AHNAK: variants seen among roughly 807,000 people sequenced by gnomAD.
AHNAK encodes neuroblast differentiation-associated protein AHNAK.
AHNAK carries 23 observed loss-of-function variants against 37.8 expected under a neutral mutation model. The ratio of observed to expected loss-of-function variants is 0.61; its 90% CI spans 0.44 to 0.86. The LOEUF (loss-of-function observed/expected upper bound fraction) is 0.86. Ranked by LOEUF, AHNAK falls within the 40% of genes least tolerant of loss-of-function variation. AHNAK has a pLI of 0.00. For missense variants in AHNAK, 7,411 were observed against 7,319.4 expected, an observed-to-expected ratio of 1.01 and a Z score of -0.46; for synonymous variants, 2,481 against 2,636.3, an observed-to-expected ratio of 0.94 and a Z score of 1.80.
At chr11:62,445,915 C>A (rs926761342) in intron 5 of AHNAK, among the ~76,000 whole-genome samples, 8 of 151,164 alleles carry the variant, frequency 5.3e-5, no homozygotes, top group Non-Finnish European at 7.4e-5. Context: ...ACTCAGGAGG[C>A]TGAGGCAGGA....
intron 5 of AHNAK, among the ~76,000 whole-genome samples, chr11:62,478,130 C>T (rs558943792): frequency 2.3e-4 from 35 of 152,330 alleles, no homozygotes; most frequent in South Asian, 1.5e-3. Context: ...TCTCCTCCCC[C>T]ACTATTCCAG....
In AHNAK at chr11:62,488,829, C is replaced by A. The variant is rs1310149037; in HGVS notation, c.442+2903G>T. ...AGCCAAAACAGGGATGCCTGGGCAGCATGGGAGAGCACAGAGAAGGGGCCC... is the reference window on the plus strand; with the variant it reads ...AGCCAAAACAGGGATGCCTGGGCAGAATGGGAGAGCACAGAGAAGGGGCCC... On this transcript the variant is annotated intron_variant, in intron 5 of 5. Coordinates refer to the AHNAK transcript ENST00000257247. 2.0e-5 allele frequency among the ~76,000 whole-genome samples: 3 copies of A among 152,102 alleles called. No individual in the cohort carries two copies. In the East Asian group the frequency reaches 5.8e-4, roughly 29 times the overall value.
intron 4 of AHNAK, among the ~76,000 whole-genome samples, chr11:62,503,589 A>T (rs948787113): frequency 4.6e-5 from 7 of 151,994 alleles, no homozygotes; most frequent in Non-Finnish European, 7.4e-5. Flanking sequence ...TCTCAAAAAA[A>T]AAAAAGAAAA....
intron 5 of AHNAK, among the ~76,000 whole-genome samples, chr11:62,453,608 A>T (rs189372209): frequency 1.3e-5 from 2 of 152,234 alleles, no homozygotes; most frequent in Admixed American, 6.5e-5. Context: ...TGTCTGTAAG[A>T]GCTGCAAGAG....
chr11:62,490,083 A>T (rs1018275671), intron 5 of AHNAK, among the ~76,000 whole-genome samples: 1 of 151,760 alleles, frequency 6.6e-6, no homozygotes, highest in Admixed American at 6.6e-5. Flanking sequence ...TGAAGGGAAG[A>T]TGAGGAAGAG....
chr11:62,494,573 A>G (rs1939571735), intron 4 of AHNAK, among the ~76,000 whole-genome samples: 1 of 152,068 alleles, frequency 6.6e-6, no homozygotes, highest in East Asian at 1.9e-4. Flanking sequence ...ACAGCTAGAA[A>G]GAGCCAGAGC....
chr11:62,530,686 T>C lies in AHNAK; in HGVS notation c.3731A>G (p.Glu1244Gly). ...CAGGTGCCAGTCTGGGCCTTGAACC[T>C]CCACATCTGGGGCATCAATGTCCAT... ...PKMDIDAPDV[E>G]VQGPDWHLKM... The change falls in exon 5 of 5, where the codon GAG (glutamate) becomes GGG (glycine). Residue 1244 changes from glutamate to glycine, a missense_variant. Coordinates refer to ENST00000378024, the MANE Select transcript of AHNAK (RefSeq NM_001620.3). 6.2e-7 allele frequency: 1 copy of C among 1,613,790 alleles called. No homozygotes were observed. Among genetic ancestry groups the C allele is most frequent in the Non-Finnish European group, 8.5e-7 (1 of 1,179,988 alleles).
At chr11:62,475,940 T>G (rs1277607655) in intron 5 of AHNAK, among the ~76,000 whole-genome samples, 3 of 152,200 alleles carry the variant, frequency 2.0e-5, no homozygotes, top group African/African-American at 7.2e-5. Context: ...CGCCTTAAGT[T>G]TTTTTGCTAA....
At chr11:62,507,752 G>T (rs1939834870) in intron 4 of AHNAK, among the ~76,000 whole-genome samples, 1 of 152,232 alleles carries the variant, frequency 6.6e-6, no homozygotes, top group Non-Finnish European at 1.5e-5. Context: ...CTGCACTCCA[G>T]ACTGGGCGAC....
intron 5 of AHNAK, among the ~76,000 whole-genome samples, chr11:62,488,347 GCCA>G (rs949356716): frequency 1.3e-5 from 2 of 151,170 alleles, no homozygotes; most frequent in African/African-American, 4.9e-5. Flanking sequence ...TAGAGAAATG[GCCA>G]CCATGTAAGC....
At chr11:62,438,007 C>T (rs1445830412) in intron 5 of AHNAK, among the ~76,000 whole-genome samples, 4 of 151,948 alleles carry the variant, frequency 2.6e-5, no homozygotes, top group Admixed American at 1.3e-4. Flanking sequence ...AATGATCCTC[C>T]CACCTCAGTC....
chr11:62,433,857 A>AG (rs1218748558), exon 6 of AHNAK: 2 of 1,613,884 alleles, frequency 1.2e-6, no homozygotes, highest in South Asian at 1.1e-5. Context: ...CAACCTTAAG[A>AG]GGGGGTGGTT....
In AHNAK at chr11:62,457,862, T is replaced by C. The variant is rs112400649; in HGVS notation, c.443-23971A>G. Among the ~76,000 whole-genome samples, 1,448 of 151,844 alleles carry C rather than the reference T, an allele frequency of 9.5e-3. 24 individuals carry two copies. Among genetic ancestry groups the C allele is most frequent in the African/African-American group, 0.033 (1,347 of 41,368 alleles). ...TCACCACTTGGGTCCAATATACCCATGTGACAATCCTACGCATGTACCTCT... is the reference window on the plus strand; with the variant it reads ...TCACCACTTGGGTCCAATATACCCACGTGACAATCCTACGCATGTACCTCT... On this transcript the variant is annotated intron_variant, in intron 5 of 5. Coordinates refer to the AHNAK transcript ENST00000257247.
At chr11:62,466,292 C>G (rs1370128059) in intron 5 of AHNAK, among the ~76,000 whole-genome samples, 1 of 152,064 alleles carries the variant, frequency 6.6e-6, no homozygotes, top group African/African-American at 2.4e-5. Context: ...CGCACTCCAG[C>G]CTGGGCAACA....
At chr11:62,437,071 A>G (rs1938188043) in intron 5 of AHNAK, among the ~76,000 whole-genome samples, 1 of 152,072 alleles carries the variant, frequency 6.6e-6, no homozygotes, top group Non-Finnish European at 1.5e-5. Context: ...TATTTCCAGC[A>G]CCCCAAAACG....
At chr11:62,436,653 T>C (rs1486814906) in intron 5 of AHNAK, among the ~76,000 whole-genome samples, 4 of 143,274 alleles carry the variant, frequency 2.8e-5, no homozygotes, top group Non-Finnish European at 4.7e-5. Flanking sequence ...AAAAAAAGTA[T>C]AGGCCGGGCG....
intron 4 of AHNAK, among the ~76,000 whole-genome samples, chr11:62,510,100 C>T (rs1351819265): frequency 2.6e-5 from 4 of 151,982 alleles, no homozygotes; most frequent in African/African-American, 9.7e-5. Context: ...CTCTGTCGCC[C>T]AGGCTGGAGT....
At chr11:62,438,099 A>T (rs1414777407) in intron 5 of AHNAK, among the ~76,000 whole-genome samples, 2 of 151,382 alleles carry the variant, frequency 1.3e-5, no homozygotes. Context: ...ATGAATAATG[A>T]TGTTGAGCAC....
chr11:62,491,730 A>G lies in AHNAK; in HGVS notation c.442+2T>C, dbSNP rs762521452. On this transcript the variant is annotated splice_donor_variant, in intron 5 of 5. Transcript: ENST00000257247. LOFTEE classifies it high-confidence loss of function. ...TCTTTCAGTCCCCATCACTTCTCTC[A>G]CCTGCATTTGGGGTGGAGACTGAAA... 2 of 1,607,564 alleles carry G rather than the reference A, an allele frequency of 1.2e-6. No individual in the cohort carries two copies. The highest frequency in any genetic ancestry group is 1.7e-5 in the Admixed American group (1 of 59,174).
Sources: gnomAD v4.1 joint callset for allele counts (sites outside exome capture counted in the v4.1 genomes callset) on GRCh38, gnomAD v4.1.1 for gene constraint, MANE v1.5 for transcripts, NCBI Gene and HGNC (gene_info 2026-07-23, HGNC 2026-07-21) for gene names.